Variants in ZNF654 observed in about 807,000 individuals in gnomAD.
ZNF654 encodes the protein melanoma-associated antigen.
ZNF654 carries 19 observed loss-of-function variants against 95.3 expected under a neutral mutation model. That is an observed-to-expected ratio of 0.20 (90% CI 0.14 to 0.29). The LOEUF is 0.29. ZNF654 is among the 10% of genes least tolerant of loss of function. The pLI is 1.00. For synonymous variants in ZNF654, 413 were observed against 457.9 expected, an observed-to-expected ratio of 0.90 and a Z score of 1.25; for missense variants, 1,046 against 1,341.0, an observed-to-expected ratio of 0.78 and a Z score of 3.44.
intron 2 of ZNF654, among the ~76,000 whole-genome samples, chr3:88,109,083 A>G (rs1704922189): frequency 6.6e-6 from 1 of 151,470 alleles, no homozygotes; most frequent in Admixed American, 6.6e-5. Context: ...CCGTGGTTTC[A>G]AGCATCCAGT....
At chr3:88,088,761 T>G (rs9854275) in intron 2 of ZNF654, among the ~76,000 whole-genome samples, 45,793 of 125,970 alleles carry the variant, frequency 0.36, 7,344 homozygotes, top group East Asian at 0.48. Flanking sequence ...TGTATGTATG[T>G]ATGGATGGAT....
chr3:88,103,993 C>A (rs1025397312), intron 2 of ZNF654, among the ~76,000 whole-genome samples: 40 of 151,948 alleles, frequency 2.6e-4, no homozygotes, highest in Admixed American at 1.9e-3. Flanking sequence ...AACTCCTTAC[C>A]TCAGGCGATC....
At chr3:88,077,203 T>C (rs184783737) in intron 1 of ZNF654, among the ~76,000 whole-genome samples, 4 of 152,336 alleles carry the variant, frequency 2.6e-5, no homozygotes, top group Non-Finnish European at 2.9e-5. Flanking sequence ...GGATTGTGAA[T>C]GAATTTTTGT....
chr3:88,081,834 A>C (rs978073873), intron 1 of ZNF654, among the ~76,000 whole-genome samples: 7 of 152,194 alleles, frequency 4.6e-5, no homozygotes, highest in African/African-American at 1.7e-4. Flanking sequence ...TTGGGCACTA[A>C]GTGTGTTTAC....
chr3:88,126,562 T>C (rs1260198685), intron 4 of ZNF654, among the ~76,000 whole-genome samples: 1 of 150,262 alleles, frequency 6.7e-6, no homozygotes, highest in Non-Finnish European at 1.5e-5. Flanking sequence ...TATTAAAATT[T>C]GTTTAAGTAG....
chr3:88,094,270 G>A (rs1435078186), intron 2 of ZNF654, among the ~76,000 whole-genome samples: 2 of 152,064 alleles, frequency 1.3e-5, no homozygotes, highest in Non-Finnish European at 2.9e-5. Context: ...ATTGGCCATC[G>A]TTAGAAACTT....
intron 4 of ZNF654, among the ~76,000 whole-genome samples, chr3:88,127,866 C>T (rs1433837335): frequency 6.6e-6 from 1 of 152,076 alleles, no homozygotes; most frequent in East Asian, 1.9e-4. Flanking sequence ...AGGGGAAAGA[C>T]CAGAGTGAAG....
chr3:88,120,306 A>G (rs1173819690), intron 3 of ZNF654, among the ~76,000 whole-genome samples: 1 of 152,156 alleles, frequency 6.6e-6, no homozygotes, highest in Non-Finnish European at 1.5e-5. Flanking sequence ...AAATATGCTT[A>G]TATGTTTACA....
intron 2 of ZNF654, among the ~76,000 whole-genome samples, chr3:88,099,495 C>T (rs963320980): frequency 2.0e-5 from 3 of 152,106 alleles, no homozygotes; most frequent in African/African-American, 7.2e-5. Context: ...TCATACGGAA[C>T]CAAAAAAGAG....
rs774743217 is a variant in ZNF654, at chr3:88,140,885, T to C, written c.3216T>C (p.Asp1072=). ...SMPKRRKFLT[D]RVDACSDQDN... is the part of the protein sequence containing the mutation. ...CAAAACGCAGAAAATTTCTGACTGA[T>C]AGAGTAGATGCCTGTTCTGATCAAG... The change falls in exon 8 of 9, where the codon GAT becomes GAC. Residue 1072 remains aspartate (D), a synonymous_variant. Transcript: ENST00000636215. 1.2e-6 allele frequency: 2 copies of C among 1,613,472 alleles called. No individual in the cohort carries two copies. The highest frequency in any genetic ancestry group is 3.3e-5 in the Admixed American group (2 of 59,952).
intron 2 of ZNF654, among the ~76,000 whole-genome samples, chr3:88,109,142 A>AGTGTGTGTGTGTGTGTGTGTGTGTGTGT (rs35595112): frequency 1.4e-5 from 2 of 142,434 alleles, no homozygotes; most frequent in African/African-American, 5.2e-5. Flanking sequence ...AGTGGGCACT[A>AGTGTGTGTGTGTGTGTGTGTGTGTGTGT]GTGTGTGTGT....
chr3:88,102,089 A>G (rs1412624938), intron 2 of ZNF654, among the ~76,000 whole-genome samples: 2 of 152,020 alleles, frequency 1.3e-5, no homozygotes, highest in African/African-American at 4.8e-5. Context: ...ATCCCATGCT[A>G]TATCTTGTCT....
intron 1 of ZNF654, among the ~76,000 whole-genome samples, chr3:88,070,016 T>C (rs1054697309): frequency 6.6e-6 from 1 of 152,200 alleles, no homozygotes; most frequent in South Asian, 2.1e-4. Flanking sequence ...TCTCAAATTA[T>C]AGAATTTATT....
At chr3:88,116,559 T>TACACACACACACACAC (rs140401038) in intron 3 of ZNF654, among the ~76,000 whole-genome samples, 155 of 146,652 alleles carry the variant, frequency 1.1e-3, no homozygotes, top group Middle Eastern at 7.0e-3. Flanking sequence ...CATACATATA[T>TACACACACACACACAC]ATACACACAC....
At chr3:88,117,364 T>TCTCTATAG (rs1415773283) in intron 3 of ZNF654, among the ~76,000 whole-genome samples, 2 of 152,120 alleles carry the variant, frequency 1.3e-5, no homozygotes, top group Non-Finnish European at 2.9e-5. Context: ...GCAATAAAAT[T>TCTCTATAG]CTCTATAGTA....
chr3:88,081,690 G>A (rs1471872714), intron 1 of ZNF654, among the ~76,000 whole-genome samples: 1 of 152,234 alleles, frequency 6.6e-6, no homozygotes, highest in African/African-American at 2.4e-5. Context: ...CTCATATCCT[G>A]TTGTTTTTCA....
chr3:88,101,487 T>C (rs1002583519), intron 2 of ZNF654, among the ~76,000 whole-genome samples: 2 of 152,204 alleles, frequency 1.3e-5, no homozygotes, highest in African/African-American at 4.8e-5. Context: ...CTTAGAATAA[T>C]GTTCTTGAGG....
chr3:88,126,818 CTG>C (rs931081097), intron 4 of ZNF654, among the ~76,000 whole-genome samples: 1 of 152,052 alleles, frequency 6.6e-6, no homozygotes, highest in Non-Finnish European at 1.5e-5. Flanking sequence ...AAGTGACTAA[CTG>C]AATGAATAAA....
intron 1 of ZNF654, among the ~76,000 whole-genome samples, chr3:88,081,575 TATTTA>T (rs1296765494): frequency 6.6e-6 from 1 of 152,270 alleles, no homozygotes; most frequent in African/African-American, 2.4e-5. Context: ...GACTTACATA[TATTTA>T]ATTTATTGTA....
Sources: gnomAD v4.1 joint callset for allele counts (sites outside exome capture counted in the v4.1 genomes callset) on GRCh38, gnomAD v4.1.1 for gene constraint, MANE v1.5 for transcripts, NCBI Gene and HGNC (gene_info 2026-07-23, HGNC 2026-07-21) for gene names.